The following FER1L6 variants were observed in gnomAD, a reference collection of about 807,000 sequenced individuals.
FER1L6 encodes fer-1 like family member 6, also known as fer-1-like protein 6.
In FER1L6, 177 loss-of-function variants were observed where a neutral mutation model predicts 219.2. The observed-to-expected ratio is 0.81, with a 90% CI of 0.71 to 0.91. FER1L6 has a LOEUF of 0.91. Ranked by LOEUF, FER1L6 falls within the 40% of genes least tolerant of loss-of-function variation. The probability of loss-of-function intolerance (pLI) is 0.00; values close to 1 mark genes in which losing one functional copy is unlikely to be tolerated. For missense variants in FER1L6, 2,153 were observed against 2,259.9 expected (o/e 0.95, Z 0.96); for synonymous variants, 768 against 824.3 (o/e 0.93, Z 1.17).
At position 124,063,361 on chromosome 8, in the gene FER1L6, C is replaced by T. The variant is rs143616988; in HGVS notation, c.3329-986C>T. Among the ~76,000 whole-genome samples the T allele has an allele frequency of 6.3e-3, 966 of 152,232 alleles. 8 individuals carry two copies. The highest frequency in any genetic ancestry group is 0.021 in the African/African-American group (865 of 41,534). On this transcript the variant is annotated intron_variant, in intron 25 of 40. Coordinates refer to ENST00000522917, the MANE Select transcript of FER1L6 (RefSeq NM_001039112.2). ...TATATTTTTAGTCTTGTTTAAGGAACGCTTTCTCACCCCTTGGTCACAAAG... is the reference window on the plus strand; with the variant it reads ...TATATTTTTAGTCTTGTTTAAGGAATGCTTTCTCACCCCTTGGTCACAAAG...
chr8:123,997,261 G>T (rs570300156), intron 12 of FER1L6, among the ~76,000 whole-genome samples: 1 of 152,202 alleles, frequency 6.6e-6, no homozygotes, highest in Non-Finnish European at 1.5e-5. Context: ...CATGTTTAAA[G>T]AATATTTTTG....
At chr8:124,010,783 C>T in intron 14 of FER1L6, 69 bp downstream of exon 14, 2 of 1,580,472 alleles carry the variant, frequency 1.3e-6, no homozygotes, top group Non-Finnish European at 1.7e-6. Flanking sequence ...TTTTAAAATC[C>T]ACCTAGTAGA....
chr8:123,977,506 G>C lies in FER1L6; in HGVS notation c.960G>C (p.Arg320Ser). The change falls in exon 10 of 41, where the codon AGG (arginine) becomes AGC (serine). Residue 320 changes from arginine to serine, a missense_variant. By Grantham distance (110) the Arg-to-Ser change is moderately radical. Transcript: ENST00000522917. The stretch of plus-strand genomic sequence containing the variant: ...AAATGTTCCCTCCCTTGTGTCGGAG[G>C]GTGAAAATCCAGGTGTGGGATGAAG... ...FKEMFPPLCR[R>S]VKIQVWDEGS... 1 of 1,614,010 alleles carries C rather than the reference G, an allele frequency of 6.2e-7. No individual in the cohort carries two copies. Among genetic ancestry groups the C allele is most frequent in the Non-Finnish European group, 8.5e-7 (1 of 1,179,984 alleles).
chr8:123,867,815 CAT>C (rs1475171372), intron 1 of FER1L6, among the ~76,000 whole-genome samples: 6 of 152,080 alleles, frequency 3.9e-5, no homozygotes, highest in African/African-American at 1.4e-4. Context: ...GAAAAGTTCA[CAT>C]GTCATAAATG....
chr8:123,865,842 C>T (rs1816827136), intron 1 of FER1L6, among the ~76,000 whole-genome samples: 1 of 151,394 alleles, frequency 6.6e-6, no homozygotes, highest in South Asian at 2.1e-4. Flanking sequence ...CTTTGGCTCA[C>T]GCACGGTGCG....
chr8:123,915,296 G>T (rs1299463724), intron 1 of FER1L6, among the ~76,000 whole-genome samples: 1 of 152,150 alleles, frequency 6.6e-6, no homozygotes, highest in African/African-American at 2.4e-5. Context: ...GGCCATGATA[G>T]CCAGGGGGGT....
intron 1 of FER1L6, among the ~76,000 whole-genome samples, chr8:123,885,665 C>T (rs138858040): frequency 6.0e-4 from 91 of 152,298 alleles, no homozygotes; most frequent in Non-Finnish European, 1.1e-3. Flanking sequence ...AGAGGCAGAG[C>T]GGGCTTTGGA....
chr8:124,108,932 C>G (rs962766816), intron 39 of FER1L6, among the ~76,000 whole-genome samples: 2 of 152,072 alleles, frequency 1.3e-5, no homozygotes, highest in Non-Finnish European at 2.9e-5. Context: ...AATAGAACCT[C>G]TAGCAACATA....
intron 26 of FER1L6, among the ~76,000 whole-genome samples, chr8:124,066,160 T>C (rs7816075): frequency 0.82 from 125,316 of 152,244 alleles, 51,732 homozygotes; most frequent in Non-Finnish European, 0.86. Flanking sequence ...CAGAGTAGGA[T>C]TGTGTCTAAT....
intron 12 of FER1L6, among the ~76,000 whole-genome samples, chr8:123,990,273 A>G (rs1023177928): frequency 6.0e-4 from 91 of 152,168 alleles, no homozygotes; most frequent in African/African-American, 2.1e-3. Flanking sequence ...CCTCAAAAAA[A>G]CAAAATAAAA....
chr8:124,041,164 G>A (rs186807141), intron 20 of FER1L6, among the ~76,000 whole-genome samples: 7 of 152,268 alleles, frequency 4.6e-5, no homozygotes, highest in Non-Finnish European at 8.8e-5. Context: ...AGCACCATGG[G>A]TTAGCACACA....
intron 1 of FER1L6, among the ~76,000 whole-genome samples, chr8:123,939,660 G>A (rs1415526329): frequency 6.6e-6 from 1 of 152,198 alleles, no homozygotes; most frequent in Non-Finnish European, 1.5e-5. Context: ...GAAGGGACTT[G>A]AGTTAGTTTG....
chr8:123,869,727 T>C (rs558949105), intron 1 of FER1L6, among the ~76,000 whole-genome samples: 2 of 152,218 alleles, frequency 1.3e-5, no homozygotes, highest in Non-Finnish European at 2.9e-5. Flanking sequence ...AGAATTCAAC[T>C]AATGCAAACA....
chr8:124,027,487 A>G (rs549433478), intron 18 of FER1L6, among the ~76,000 whole-genome samples: 3 of 152,306 alleles, frequency 2.0e-5, no homozygotes, highest in East Asian at 3.9e-4. Context: ...CCCAGAGGAC[A>G]TTGCTGTAAT....
At chr8:123,871,532 G>T (rs552847218) in intron 1 of FER1L6, among the ~76,000 whole-genome samples, 1 of 152,042 alleles carries the variant, frequency 6.6e-6, no homozygotes, top group African/African-American at 2.4e-5. Flanking sequence ...AAAGAGGTTC[G>T]CATGACCAAG....
chr8:124,054,453 C>CTT (rs747215809), intron 22 of FER1L6, among the ~76,000 whole-genome samples: 1 of 152,130 alleles, frequency 6.6e-6, no homozygotes, highest in African/African-American at 2.4e-5. Context: ...TTTTTCAAAA[C>CTT]TTGATATTTC....
At chr8:124,086,749 C>A (rs866346502) in intron 33 of FER1L6, among the ~76,000 whole-genome samples, 2 of 152,126 alleles carry the variant, frequency 1.3e-5, no homozygotes, top group Non-Finnish European at 2.9e-5. Flanking sequence ...TAAAAAACTT[C>A]TTTTAGCATT....
intron 22 of FER1L6, among the ~76,000 whole-genome samples, chr8:124,057,741 G>T (rs1820369568): frequency 6.6e-6 from 1 of 151,986 alleles, no homozygotes. Context: ...CCATAACATG[G>T]CCTATCTTCC....
chr8:124,041,602 C>T (rs555831691), intron 20 of FER1L6, among the ~76,000 whole-genome samples: 3 of 152,272 alleles, frequency 2.0e-5, no homozygotes, highest in African/African-American at 7.2e-5. Context: ...CGAGTCACTA[C>T]ACTATGATAA....
Sources: gnomAD v4.1 joint callset for allele counts (sites outside exome capture counted in the v4.1 genomes callset) on GRCh38, gnomAD v4.1.1 for gene constraint, MANE v1.5 for transcripts, NCBI Gene and HGNC (gene_info 2026-07-23, HGNC 2026-07-21) for gene names.